Variants in C16orf89 observed in about 807,000 individuals in gnomAD.
C16orf89 encodes the protein chromosome 16 open reading frame 89.
In C16orf89, 57 loss-of-function variants were observed where a neutral mutation model predicts 41.5. The ratio of observed to expected loss-of-function variants is 1.38; its 90% confidence interval spans 1.11 to 1.71. The LOEUF is 1.71. Among genes scored for constraint, C16orf89 ranks in the 40% most tolerant of loss-of-function variants. The probability of loss-of-function intolerance (pLI) is 0.00; values close to 1 mark genes in which losing one functional copy is unlikely to be tolerated. For synonymous variants in C16orf89, 223 were observed against 190.6 expected, an observed-to-expected ratio of 1.17 and a Z score of -1.40; for missense variants, 575 against 445.9, an observed-to-expected ratio of 1.29 and a Z score of -2.61.
rs576613867 is a variant in C16orf89, at chr16:5,062,683, T to C, written c.209-109A>G. The stretch of plus-strand genomic sequence containing the variant: ...AAGTCTAATGCTTCCTGGGAGCCTC[T>C]CTGCCTTCTCCAGCACTCAGAGGGG... On this transcript the variant is annotated intron_variant, in intron 1 of 7. Coordinates refer to ENST00000472572, the MANE Select transcript of C16orf89 (RefSeq NM_001098514.3). 1.1e-5 allele frequency: 14 copies of C among 1,238,864 alleles called. No homozygotes were observed. The African/African-American group carries it at 1.5e-4, about 14-fold the overall frequency. The allele number at this position is 1,238,864 out of a possible 1,614,324, so 76.7% of individuals were successfully genotyped here.
chr16:5,056,606 G>A (rs180762334), intron 4 of C16orf89, among the ~76,000 whole-genome samples: 2 of 152,068 alleles, frequency 1.3e-5, no homozygotes, highest in East Asian at 1.9e-4. Context: ...GCCTGAACCC[G>A]CGGGCAGCTT....
At chr16:5,058,649 C>T in intron 3 of C16orf89, 39 bp from the exon 4 acceptor site, 1 of 1,512,404 alleles carries the variant, frequency 6.6e-7, no homozygotes, top group East Asian at 2.3e-5. Context: ...GGATGGAGCG[C>T]TGACTCTGCC....
At chr16:5,048,793 GA>G (rs376605947) in intron 6 of C16orf89, among the ~76,000 whole-genome samples, 30 of 150,212 alleles carry the variant, frequency 2.0e-4, no homozygotes, top group Admixed American at 1.1e-3. Flanking sequence ...AAGAAAGGAA[GA>G]AAAAAAAATC....
rs1956474384 is a variant in C16orf89 at position 5,055,337 on chromosome 16, T to A, written c.777A>T (p.Gly259=). 1 of 1,611,158 alleles carries A rather than the reference T, an allele frequency of 6.2e-7. No individual in the cohort carries two copies. Among genetic ancestry groups the A allele is most frequent in the Admixed American group, 1.7e-5 (1 of 59,788 alleles). ...DIFMENIMFC[G]MGGFSDFYKL... is the part of the protein sequence containing the mutation. Reference sequence around the variant, plus strand: ...TGTAGAAGTCGGAGAAGCCGCCCATTCCACAGAACATGACTGGAAGTAAAG... The same window carrying A: ...TGTAGAAGTCGGAGAAGCCGCCCATACCACAGAACATGACTGGAAGTAAAG... Residue 259 remains glycine, a synonymous_variant, in exon 6 of 8, where the codon GGA becomes GGT. Transcript: ENST00000472572.
At chr16:5,049,111 A>T (rs1386500327) in intron 6 of C16orf89, among the ~76,000 whole-genome samples, 2 of 152,224 alleles carry the variant, frequency 1.3e-5, no homozygotes, top group Non-Finnish European at 2.9e-5. Context: ...CTGTAAAAAG[A>T]GACAAAGAAG....
chr16:5,056,193 G>A lies in C16orf89; in HGVS notation c.628-5C>T. 6.3e-7 allele frequency: 1 copy of A among 1,582,470 alleles called. No individual in the cohort carries two copies. The highest frequency in any genetic ancestry group is 1.7e-5 in the Admixed American group (1 of 59,290). ...TGGTCCCTGTGTGCACCCCCTCTGG[G>A]GAGACAAACACCCAAAGACAAGGGA... is the stretch of plus-strand genomic sequence containing the variant. On this transcript the variant is annotated splice_polypyrimidine_tract_variant and splice_region_variant and intron_variant, in intron 4 of 7. Transcript: ENST00000472572.
At chr16:5,044,708 G>T (rs1010901380) in intron 7 of C16orf89, 2 of 988,224 alleles carry the variant, frequency 2.0e-6, no homozygotes, top group Non-Finnish European at 2.8e-6. Flanking sequence ...GCCAGGTATG[G>T]TGGCACGCTC....
chr16:5,044,699 C>CCAGG (rs1424494264), intron 7 of C16orf89: 1 of 1,060,822 alleles, frequency 9.4e-7, no homozygotes, highest in Non-Finnish European at 1.3e-6. Flanking sequence ...TAAAAATTAG[C>CCAGG]CAGGTATGGT....
At chr16:5,058,099 A>T (rs2142651808) in intron 4 of C16orf89, among the ~76,000 whole-genome samples, 1 of 152,098 alleles carries the variant, frequency 6.6e-6, no homozygotes, top group African/African-American at 2.4e-5. Flanking sequence ...AGACAGAACT[A>T]CACTGCCATG....
chr16:5,062,350 C>T, intron 2 of C16orf89, 75 bp downstream of exon 2: 4 of 1,486,542 alleles, frequency 2.7e-6, no homozygotes, highest in East Asian at 4.7e-5. Context: ...CCAGGAGAGC[C>T]CACGCTGGGT....
rs1956497395 is a variant in C16orf89, at chr16:5,056,108, G to A, written c.708C>T (p.Arg236=). Residue 236 remains arginine, a synonymous_variant, in exon 5 of 8, where the codon CGC becomes CGT. Coordinates refer to ENST00000472572, the MANE Select transcript of C16orf89 (RefSeq NM_001098514.3). ...LFCANMMDLN[R]RAEAIGYAYP... ...AGGCGTATCCGATGGCCTCAGCTCT[G>A]CGGTTCAAGTCCATCATGTTGGCGC... is the stretch of plus-strand genomic sequence containing the variant. 6.2e-7 allele frequency: 1 copy of A among 1,600,322 alleles called. No individual in the cohort carries two copies. Among genetic ancestry groups the A allele is most frequent in the African/African-American group, 1.3e-5 (1 of 74,776 alleles).
chr16:5,048,715 TAGAA>T (rs1956346262), intron 6 of C16orf89, among the ~76,000 whole-genome samples: 1 of 149,240 alleles, frequency 6.7e-6, no homozygotes, highest in Admixed American at 6.7e-5. Flanking sequence ...AGAGGAGAAA[TAGAA>T]AGAAGAAAGA....
At chr16:5,047,013 C>T (rs1956310168) in intron 7 of C16orf89, among the ~76,000 whole-genome samples, 1 of 152,164 alleles carries the variant, frequency 6.6e-6, no homozygotes, top group Admixed American at 6.5e-5. Context: ...CCTTCTCTGC[C>T]TTTCCTTATT....
intron 2 of C16orf89, 97 bp downstream of exon 2, chr16:5,062,328 C>G: frequency 7.1e-7 from 1 of 1,416,518 alleles, no homozygotes; most frequent in Non-Finnish European, 9.4e-7. Flanking sequence ...ACTGTCCCAG[C>G]CCAGCCTTGC....
chr16:5,051,835 G>C (rs1956402004), intron 6 of C16orf89, among the ~76,000 whole-genome samples: 2 of 152,106 alleles, frequency 1.3e-5, no homozygotes, highest in African/African-American at 4.8e-5. Context: ...TGCGGTGGCT[G>C]ACGCCTATAA....
rs892117130 is a variant in C16orf89 at position 5,049,995 on chromosome 16, A to G, written c.869-2031T>C. ...AAGACTCAAGTAAATGAAATCAGAA[A>G]GAAAAAGGAACTTTTACAGCTGATA... On this transcript the variant is annotated intron_variant, in intron 6 of 7. Transcript: ENST00000472572. Among the ~76,000 whole-genome samples, 9 of 152,198 alleles carry G rather than the reference A, an allele frequency of 5.9e-5. No homozygotes were observed. In the East Asian group the frequency reaches 1.5e-3, roughly 26 times the overall value.
At chr16:5,062,756 T>C (rs559087009) in intron 1 of C16orf89, among the ~76,000 whole-genome samples, 182 bp from the exon 2 acceptor site, 1 of 152,286 alleles carries the variant, frequency 6.6e-6, no homozygotes, top group South Asian at 2.1e-4. Flanking sequence ...GGGGGTGATC[T>C]GGGCAATGAG....
chr16:5,057,807 G>T (rs1279310772), intron 4 of C16orf89, among the ~76,000 whole-genome samples: 1 of 152,040 alleles, frequency 6.6e-6, no homozygotes, highest in Non-Finnish European at 1.5e-5. Flanking sequence ...GGGATTACAG[G>T]TGTGAGCCAC....
intron 1 of C16orf89, 143 bp from the exon 2 acceptor site, chr16:5,062,717 A>T: frequency 1.1e-6 from 1 of 931,334 alleles, no homozygotes; most frequent in South Asian, 1.8e-5. Flanking sequence ...GGAAGGATTT[A>T]CTGAGCTGAC....
Sources: gnomAD v4.1 joint callset for allele counts (sites outside exome capture counted in the v4.1 genomes callset) on GRCh38, gnomAD v4.1.1 for gene constraint, MANE v1.5 for transcripts, NCBI Gene and HGNC (gene_info 2026-07-23, HGNC 2026-07-21) for gene names.